Variants in C16orf89 observed in about 807,000 individuals in gnomAD.
The protein encoded by C16orf89 is UPF0764 protein C16orf89.
A neutral mutation model predicts 41.5 loss-of-function variants in C16orf89; 57 were observed. That is an observed-to-expected ratio of 1.38 (90% CI 1.11 to 1.71). C16orf89 has a LOEUF of 1.71. Ranked by LOEUF, C16orf89 falls within the 40% of genes most tolerant of loss-of-function variation. The pLI is 0.00. For missense variants in C16orf89, 575 were observed against 445.9 expected (o/e 1.29, Z -2.61); for synonymous variants, 223 against 190.6 (o/e 1.17, Z -1.40).
intron 4 of C16orf89, among the ~76,000 whole-genome samples, chr16:5,057,865 TG>T (rs1315988476): frequency 6.6e-6 from 1 of 152,012 alleles, no homozygotes; most frequent in Non-Finnish European, 1.5e-5. Flanking sequence ...TTCTTTCTGA[TG>T]ATTCTCTTTT....
chr16:5,062,457 T>C lies in C16orf89; in HGVS notation c.326A>G (p.Tyr109Cys). Residue 109 changes from tyrosine to cysteine, a missense_variant, in exon 2 of 8, where the codon TAC (tyrosine) becomes TGC (cysteine). Coordinates refer to ENST00000472572, the MANE Select transcript of C16orf89 (RefSeq NM_001098514.3). The part of the protein sequence containing the change: ...LEAAIQRSLH[Y>C]LKLSDPKYLR... ...GTACTTGGGATCACTCAGCTTGAGG[T>C]AGTGGAGGGATCTCTGGATGGCAGC... The C allele has an allele frequency of 6.2e-7, 1 of 1,614,024 alleles. No homozygotes were observed. Among genetic ancestry groups the C allele is most frequent in the South Asian group, 1.1e-5 (1 of 91,068 alleles).
At chr16:5,065,304 G>A (rs867376060) in intron 1 of C16orf89, among the ~76,000 whole-genome samples, 9 of 152,170 alleles carry the variant, frequency 5.9e-5, no homozygotes, top group South Asian at 2.1e-4. Context: ...GTGGGAACCC[G>A]ATCTTGAGGG....
intron 4 of C16orf89, among the ~76,000 whole-genome samples, chr16:5,058,182 C>T (rs569509534): frequency 1.3e-5 from 2 of 151,972 alleles, no homozygotes; most frequent in African/African-American, 4.8e-5. Flanking sequence ...GGCTGGAGTG[C>T]AGTGGCGCAA....
chr16:5,049,233 T>C (rs1252118023), intron 6 of C16orf89, among the ~76,000 whole-genome samples: 1 of 152,200 alleles, frequency 6.6e-6, no homozygotes. Context: ...AAGGGAGAGA[T>C]AGACTCCAAT....
At chr16:5,045,833 G>A (rs73512374) in intron 7 of C16orf89, among the ~76,000 whole-genome samples, 18,488 of 152,178 alleles carry the variant, frequency 0.12, 1,226 homozygotes, top group African/African-American at 0.14. Context: ...TGCTCCGTGG[G>A]CTTGTGTCAT....
chr16:5,055,596 A>T (rs1400640224), intron 5 of C16orf89: 15 of 1,311,562 alleles, frequency 1.1e-5, no homozygotes, highest in African/African-American at 2.9e-5. Flanking sequence ...GGATCAGTGG[A>T]GGAGTTTGGA....
chr16:5,053,201 C>G lies in C16orf89; in HGVS notation c.868+2045G>C, dbSNP rs189551231. 5.3e-5 allele frequency among the ~76,000 whole-genome samples: 8 copies of G among 152,200 alleles called. No homozygotes were observed. The East Asian group carries it at 1.2e-3, about 22-fold the overall frequency. On this transcript the variant is annotated intron_variant, in intron 6 of 7. Transcript: ENST00000472572. ...CATGGCCAACATGGTGAAACCCCCT[C>G]TCTACTAAAAATACAAAAATTAGCT...
chr16:5,065,541 G>T (rs956809291), intron 1 of C16orf89, among the ~76,000 whole-genome samples, 160 bp downstream of exon 1: 1 of 152,168 alleles, frequency 6.6e-6, no homozygotes, highest in Non-Finnish European at 1.5e-5. Context: ...GGCCACAGCC[G>T]CCAGGAAGAT....
chr16:5,062,263 C>G (rs557902612), intron 2 of C16orf89, among the ~76,000 whole-genome samples, 162 bp downstream of exon 2: 1 of 152,166 alleles, frequency 6.6e-6, no homozygotes, highest in South Asian at 2.1e-4. Flanking sequence ...GATGACCGCA[C>G]GTCCCCAGGG....
chr16:5,046,021 C>T (rs896948106), intron 7 of C16orf89, among the ~76,000 whole-genome samples: 2 of 152,160 alleles, frequency 1.3e-5, no homozygotes, highest in Non-Finnish European at 2.9e-5. Flanking sequence ...ACAGCAGGCC[C>T]CTACCACCCT....
chr16:5,055,236 C>T lies in C16orf89; in HGVS notation c.868+10G>A, dbSNP rs1271267612. 6.9e-6 allele frequency: 11 copies of T among 1,594,648 alleles called. No homozygotes were observed. The highest frequency in any genetic ancestry group is 1.3e-5 in the African/African-American group (1 of 74,258). On this transcript the variant is annotated intron_variant, in intron 6 of 7. Transcript: ENST00000472572. ...CCCCCCTTCTTAGCCAGGGCAGCAGCGCAGCTCACCAGGCTCCCCGAAGCA... is the reference window on the plus strand; with the variant it reads ...CCCCCCTTCTTAGCCAGGGCAGCAGTGCAGCTCACCAGGCTCCCCGAAGCA...
At chr16:5,060,209 G>C in intron 3 of C16orf89, 77 bp downstream of exon 3, 1 of 1,478,998 alleles carries the variant, frequency 6.8e-7, no homozygotes, top group Non-Finnish European at 9.1e-7. Flanking sequence ...AGGGCTTGGA[G>C]AAGGAGGAGC....
chr16:5,044,621 C>A (rs759624493), intron 7 of C16orf89, 143 bp from the exon 8 acceptor site: 8 of 1,450,904 alleles, frequency 5.5e-6, no homozygotes, highest in Non-Finnish European at 7.4e-6. Flanking sequence ...GTGGGCGGAT[C>A]TCTTGAGATC....
intron 5 of C16orf89, chr16:5,055,614 G>A (rs1029486182): frequency 1.8e-5 from 25 of 1,421,030 alleles, no homozygotes; most frequent in South Asian, 5.1e-5. Flanking sequence ...GGACACCCCA[G>A]CCAGCTAGCA....
Position 5,055,335 on chromosome 16 carries a change from A to G in C16orf89, c.779T>C (p.Met260Thr), listed in dbSNP as rs1410646085. Residue 260 changes from methionine (M) to threonine (T), a missense_variant, in exon 6 of 8, where the codon ATG becomes ACG. Physicochemically the swap from Met to Thr is moderately conservative, Grantham distance 81. Coordinates refer to ENST00000472572, the MANE Select transcript of C16orf89 (RefSeq NM_001098514.3). ...IFMENIMFCG[M>T]GGFSDFYKLR... The stretch of plus-strand genomic sequence containing the variant: ...CTTGTAGAAGTCGGAGAAGCCGCCC[A>G]TTCCACAGAACATGACTGGAAGTAA... 1.2e-6 allele frequency: 2 copies of G among 1,611,256 alleles called. No homozygotes were observed. Among genetic ancestry groups the G allele is most frequent in the East Asian group, 2.2e-5 (1 of 44,750 alleles).
In C16orf89 at chr16:5,062,406, A is replaced by G. The variant is rs753307473; in HGVS notation, c.358+19T>C. On this transcript the variant is annotated intron_variant, in intron 2 of 7. Coordinates refer to ENST00000472572, the MANE Select transcript of C16orf89 (RefSeq NM_001098514.3). The stretch of plus-strand genomic sequence containing the variant: ...TAGGCGCTATTCCTGAGGGAATGGG[A>G]CACCCTGCGTGTGCTCACCTCTTAG... 7 of 1,596,452 alleles carry G rather than the reference A, an allele frequency of 4.4e-6. No individual in the cohort carries two copies. The African/African-American group carries it at 9.4e-5, about 22-fold the overall frequency.
Position 5,044,849 on chromosome 16 carries a change from A to C in C16orf89, c.956-371T>G, listed in dbSNP as rs112669879. 6,448 of 1,256,356 alleles carry C rather than the reference A, an allele frequency of 5.1e-3. 267 individuals carry two copies. The African/African-American group carries it at 0.093, about 18-fold the overall frequency. The allele number at this position is 1,256,356 out of a possible 1,614,324, so 77.8% of individuals were successfully genotyped here. A position where few individuals can be genotyped will look rare whatever the true frequency, so the allele number is the denominator to read the frequency against. ...ACAGAGCGAGAATCTGTCTCAAAAAAAAAAAAAGTGCTTTTCAGATGTCAT... is the reference window on the plus strand; with the variant it reads ...ACAGAGCGAGAATCTGTCTCAAAAACAAAAAAAGTGCTTTTCAGATGTCAT... On this transcript the variant is annotated intron_variant, in intron 7 of 7. Transcript: ENST00000472572.
At chr16:5,061,522 A>AG (rs1339164814) in intron 2 of C16orf89, among the ~76,000 whole-genome samples, 2 of 138,470 alleles carry the variant, frequency 1.4e-5, no homozygotes, top group Admixed American at 7.2e-5. Context: ...AAAAAAAAAA[A>AG]CAAGTGGGGA....
intron 1 of C16orf89, 31 bp downstream of exon 1, chr16:5,065,670 T>C (rs753755552): frequency 1.3e-6 from 2 of 1,586,630 alleles, no homozygotes; most frequent in Middle Eastern, 1.7e-4. Flanking sequence ...AGCTTCCCAG[T>C]GTCCAGCCAG....
Sources: allele counts gnomAD v4.1 joint callset (sites outside exome capture counted in the v4.1 genomes callset), GRCh38; gene constraint gnomAD v4.1.1; transcripts MANE v1.5; gene names NCBI Gene and HGNC (gene_info 2026-07-23, HGNC 2026-07-21).